CCDC146: variants seen among roughly 807,000 people sequenced by gnomAD.
The protein encoded by CCDC146 is coiled-coil domain containing 146.
CCDC146 carries 92 observed loss-of-function variants against 119.3 expected under a neutral mutation model. That is an observed-to-expected ratio of 0.77 (90% confidence interval 0.65 to 0.92). The LOEUF (loss-of-function observed/expected upper bound fraction) is 0.92. Ranked by LOEUF, CCDC146 falls within the 40% of genes least tolerant of loss-of-function variation. The probability of loss-of-function intolerance (pLI) is 0.00; values close to 1 mark genes in which losing one functional copy is unlikely to be tolerated. For missense variants in CCDC146, 1,000 were observed against 1,103.0 expected, an observed-to-expected ratio of 0.91 and a Z score of 1.32; for synonymous variants, 372 against 371.8, an observed-to-expected ratio of 1.00 and a Z score of -0.01.
At chr7:77,169,066 A>C (rs1439267338) in intron 2 of CCDC146, among the ~76,000 whole-genome samples, 2 of 152,118 alleles carry the variant, frequency 1.3e-5, no homozygotes, top group Non-Finnish European at 2.9e-5. Context: ...TTCAGTAGTC[A>C]TCTCTTTAGT....
chr7:77,242,223 C>T, intron 4 of CCDC146: 1 of 363,740 alleles, frequency 2.7e-6, no homozygotes, highest in Non-Finnish European at 4.7e-6. Flanking sequence ...CTGGCAGTGG[C>T]CCCCTCATCC....
At chr7:77,194,355 T>G (rs982530700) in intron 2 of CCDC146, 1 of 152,060 alleles carries the variant, frequency 6.6e-6, no homozygotes, top group Non-Finnish European at 1.5e-5. Context: ...AAGTAAAAAG[T>G]AAAAAACAAC....
chr7:77,291,971 T>C (rs1793952849), intron 17 of CCDC146, among the ~76,000 whole-genome samples: 1 of 152,154 alleles, frequency 6.6e-6, no homozygotes, highest in South Asian at 2.1e-4. Flanking sequence ...GACAAACTAA[T>C]AACGTCAAAT....
At chr7:77,278,451 T>C (rs1163304297) in intron 11 of CCDC146, among the ~76,000 whole-genome samples, 1 of 126,766 alleles carries the variant, frequency 7.9e-6, no homozygotes, top group Non-Finnish European at 1.8e-5. Context: ...TTTTTTTTTT[T>C]TTTTTTTTTG....
At chr7:77,192,285 A>G (rs762509416) in intron 2 of CCDC146, among the ~76,000 whole-genome samples, 2 of 152,190 alleles carry the variant, frequency 1.3e-5, no homozygotes, top group Non-Finnish European at 2.9e-5. Flanking sequence ...CAATAACTCT[A>G]TCAGGCAGAT....
chr7:77,132,780 A>G (rs1238832798), intron 1 of CCDC146, among the ~76,000 whole-genome samples: 1 of 151,934 alleles, frequency 6.6e-6, no homozygotes, highest in Non-Finnish European at 1.5e-5. Context: ...ATAAACAAAT[A>G]AAATTAAGCA....
intron 4 of CCDC146, among the ~76,000 whole-genome samples, chr7:77,244,572 A>C (rs936145739): frequency 2.0e-5 from 3 of 152,238 alleles, no homozygotes; most frequent in African/African-American, 7.2e-5. Context: ...TACAGTACTC[A>C]GTCCGGTAAC....
At chr7:77,150,775 T>C (rs1193045466) in intron 1 of CCDC146, among the ~76,000 whole-genome samples, 1 of 152,222 alleles carries the variant, frequency 6.6e-6, no homozygotes, top group Non-Finnish European at 1.5e-5. Flanking sequence ...GCTACTTGAT[T>C]CATAGTAGCT....
At chr7:77,252,888 C>T (rs1793103049) in intron 4 of CCDC146, among the ~76,000 whole-genome samples, 1 of 152,220 alleles carries the variant, frequency 6.6e-6, no homozygotes, top group Non-Finnish European at 1.5e-5. Flanking sequence ...CTGGGGAAGA[C>T]ATTTGTTACT....
intron 2 of CCDC146, chr7:77,198,292 C>A: frequency 1.0e-6 from 1 of 985,366 alleles, no homozygotes; most frequent in Non-Finnish European, 1.2e-6. Context: ...TGATCTCCGC[C>A]CTGTCCTTTC....
intron 14 of CCDC146, chr7:77,282,190 G>A (rs1793776163): frequency 5.2e-6 from 1 of 192,958 alleles, no homozygotes; most frequent in East Asian, 1.4e-4. Context: ...TTCTGGCCAG[G>A]CCTTGGTTGG....
At chr7:77,187,147 C>T (rs1165905478) in intron 2 of CCDC146, among the ~76,000 whole-genome samples, 3 of 152,182 alleles carry the variant, frequency 2.0e-5, no homozygotes, top group African/African-American at 7.2e-5. Flanking sequence ...TGACTAAAAC[C>T]TTATTCATTG....
chr7:77,273,785 A>G lies in CCDC146; in HGVS notation c.1265A>G (p.Gln422Arg). The change falls in exon 10 of 19, where the codon CAA becomes CGA. Residue 422 changes from glutamine to arginine, a missense_variant. Gln to Arg is a conservative substitution (Grantham distance 43). This residue lies in a region of CCDC146 where 985 missense variants were observed against 1,045.3 expected (regional missense o/e 0.94). Transcript: ENST00000285871. ...GAAGTAGCTAAGAGGAATTTGGCCC[A>G]ACAGGTTAATATCAATGCTCATTTA... ...EVEVAKRNLA[Q>R]QKIISEMESK... 6.2e-7 allele frequency: 1 copy of G among 1,602,988 alleles called. No individual in the cohort carries two copies.
Position 77,185,864 on chromosome 7 carries a change from C to A in CCDC146, c.156+18040C>A, listed in dbSNP as rs538411509. 5.0e-4 allele frequency among the ~76,000 whole-genome samples: 76 copies of A among 152,200 alleles called. 1 individual carries two copies. Among genetic ancestry groups the A allele is most frequent in the African/African-American group, 3.9e-4 (16 of 41,522 alleles). On this transcript the variant is annotated intron_variant, in intron 2 of 18. Coordinates refer to ENST00000285871, the MANE Select transcript of CCDC146 (RefSeq NM_020879.3). ...TGACACAGAGATGGAACTTGGAATT[C>A]TATCAGATTAACAAAGAGATTGAAA... is the stretch of plus-strand genomic sequence containing the variant.
At chr7:77,286,550 T>C (rs1255073250) in intron 15 of CCDC146, among the ~76,000 whole-genome samples, 1 of 152,212 alleles carries the variant, frequency 6.6e-6, no homozygotes, top group Admixed American at 6.5e-5. Flanking sequence ...ACCAGCTTTT[T>C]CTATGACCCA....
intron 4 of CCDC146, among the ~76,000 whole-genome samples, chr7:77,249,089 A>C (rs188432860): frequency 2.0e-5 from 3 of 152,280 alleles, no homozygotes; most frequent in Admixed American, 2.0e-4. Context: ...CTTTTGATAG[A>C]GGGATGTTGA....
chr7:77,139,532 GT>G (rs1393493855), intron 1 of CCDC146, among the ~76,000 whole-genome samples: 1 of 152,208 alleles, frequency 6.6e-6, no homozygotes, highest in African/African-American at 2.4e-5. Context: ...TGATTATGAT[GT>G]GTCAATGTAG....
chr7:77,203,420 T>A (rs1336872541), intron 2 of CCDC146, among the ~76,000 whole-genome samples: 1 of 151,914 alleles, frequency 6.6e-6, no homozygotes, highest in East Asian at 1.9e-4. Context: ...CACATCTAGG[T>A]ATGAATATTG....
At chr7:77,244,068 G>A (rs1792900251) in intron 4 of CCDC146, among the ~76,000 whole-genome samples, 1 of 152,012 alleles carries the variant, frequency 6.6e-6, no homozygotes, top group South Asian at 2.1e-4. Flanking sequence ...AGTAGAGACG[G>A]GATTTCACCA....
Sources: gnomAD v4.1 joint callset for allele counts (sites outside exome capture counted in the v4.1 genomes callset) on GRCh38, gnomAD v4.1.1 for gene constraint, gnomAD v4.1.1 regional missense constraint, MANE v1.5 for transcripts, NCBI Gene and HGNC (gene_info 2026-07-23, HGNC 2026-07-21) for gene names.